The following MPP3 variants were observed in gnomAD, a reference collection of about 807,000 sequenced individuals.
MPP3 encodes the protein MAGUK p55 subfamily member 3.
A neutral mutation model predicts 80.7 loss-of-function variants in MPP3; 48 were observed. The observed-to-expected ratio is 0.59, with a 90% CI of 0.47 to 0.76. The LOEUF is 0.76. Ranked by LOEUF, MPP3 falls within the 30% of genes least tolerant of loss-of-function variation. MPP3 has a pLI of 0.00. For synonymous variants in MPP3, 311 were observed against 297.6 expected (o/e 1.04, Z -0.46); for missense variants, 620 against 763.0 (o/e 0.81, Z 2.21).
intron 6 of MPP3, 63 bp downstream of exon 6, chr17:43,829,964 C>T: frequency 6.4e-7 from 1 of 1,569,358 alleles, no homozygotes; most frequent in East Asian, 2.2e-5. Flanking sequence ...ATTAGGAGAG[C>T]TCCCTCCGCC....
intron 3 of MPP3, 86 bp downstream of exon 3, chr17:43,831,796 A>G (rs2045976566): frequency 6.8e-7 from 1 of 1,464,924 alleles, no homozygotes; most frequent in African/African-American, 1.4e-5. Flanking sequence ...TTCTCTCCCC[A>G]GGCTCTCACT....
rs2044417372 is a variant in MPP3 at position 43,801,780 on chromosome 17, C to T, written c.1679G>A (p.Gly560Asp). Residue 560 changes from glycine to aspartate, a missense_variant, in exon 20 of 20, where the codon GGT (glycine) becomes GAT (aspartate). By Grantham distance (94) the Gly-to-Asp change is moderately conservative. Coordinates refer to ENST00000398389, the MANE Select transcript of MPP3 (RefSeq NM_001932.6). ...GACCACTTTGAGCTGGCTGTAGGCA[C>T]CCTGGAGATCCTCCTTCACCAGCAC... ...DAVLVKEDLQ[G>D]AYSQLKVVLE... 2 of 1,614,136 alleles carry T rather than the reference C, an allele frequency of 1.2e-6. No individual in the cohort carries two copies. Among genetic ancestry groups the T allele is most frequent in the Middle Eastern group, 1.6e-4 (1 of 6,062 alleles).
chr17:43,831,870 G>A lies in MPP3; in HGVS notation c.25+12C>T. On this transcript the variant is annotated intron_variant, in intron 3 of 19. Coordinates refer to ENST00000398389, the MANE Select transcript of MPP3 (RefSeq NM_001932.6). ...AGGACTGTGGCAGGTCCAGCCGGGG[G>A]GAGGTACTTACCAGAGTCCTCCGAT... 1.2e-6 allele frequency: 2 copies of A among 1,603,232 alleles called. No homozygotes were observed. Among genetic ancestry groups the A allele is most frequent in the Admixed American group, 1.7e-5 (1 of 57,368 alleles).
At chr17:43,829,999 T>C in intron 6 of MPP3, 28 bp downstream of exon 6, 1 of 1,605,014 alleles carries the variant, frequency 6.2e-7, no homozygotes, top group Non-Finnish European at 8.5e-7. Flanking sequence ...CCCAGAGGCA[T>C]GGCTGGGCAG....
In MPP3 at chr17:43,804,137, C is replaced by T. The variant is rs2044520277; in HGVS notation, c.1582-2260G>A. On this transcript the variant is annotated intron_variant, in intron 19 of 19. Transcript: ENST00000398389. Reference sequence around the variant, plus strand: ...ACTTCTTGACTCTTTGAAAAATGAGCCATTTCCCCCTGCTTATTCAATCCT... The same window carrying T: ...ACTTCTTGACTCTTTGAAAAATGAGTCATTTCCCCCTGCTTATTCAATCCT... 2.0e-5 allele frequency among the ~76,000 whole-genome samples: 3 copies of T among 152,224 alleles called. 1 individual carries two copies. The South Asian group carries it at 6.2e-4, about 32-fold the overall frequency.
Position 43,820,945 on chromosome 17 carries a change from G to A in MPP3, c.798C>T (p.Asp266=), listed in dbSNP as rs377033537. ...GCTTGGCCTGCCACCACGTGGGGTCGTCCTGGCTCACCACCTCCAGGACCT... is the reference window on the plus strand; with the variant it reads ...GCTTGGCCTGCCACCACGTGGGGTCATCCTGGCTCACCACCTCCAGGACCT... ...RRQVLEVVSQ[D]DPTWWQAKRV... is the part of the protein sequence containing the mutation. The change falls in exon 11 of 20, where the codon GAC becomes GAT. Residue 266 remains aspartate (D), a synonymous_variant. Coordinates refer to ENST00000398389, the MANE Select transcript of MPP3 (RefSeq NM_001932.6). 5 of 1,613,928 alleles carry A rather than the reference G, an allele frequency of 3.1e-6. No individual in the cohort carries two copies. The South Asian group carries it at 3.3e-5, about 11-fold the overall frequency.
rs1009469171 is a variant in MPP3 at position 43,831,865 on chromosome 17, C to A, written c.25+17G>T. The A allele has an allele frequency of 1.3e-6, 2 of 1,598,620 alleles. No individual in the cohort carries two copies. Among genetic ancestry groups the A allele is most frequent in the African/African-American group, 1.3e-5 (1 of 74,106 alleles). ...TCTTCAGGACTGTGGCAGGTCCAGC[C>A]GGGGGGAGGTACTTACCAGAGTCCT... On this transcript the variant is annotated intron_variant, in intron 3 of 19. Coordinates refer to ENST00000398389, the MANE Select transcript of MPP3 (RefSeq NM_001932.6).
At chr17:43,822,248 C>T (rs1246328611) in intron 10 of MPP3, among the ~76,000 whole-genome samples, 1 of 152,182 alleles carries the variant, frequency 6.6e-6, no homozygotes, top group East Asian at 1.9e-4. Flanking sequence ...TCTTCACTTG[C>T]TGTAAAAAAC....
Position 43,811,283 on chromosome 17 carries a change from C to A in MPP3, c.1256-78G>T. 2.7e-6 allele frequency: 3 copies of A among 1,105,590 alleles called. No homozygotes were observed. In the South Asian group the frequency reaches 3.8e-5, roughly 14 times the overall value. The allele number at this position is 1,105,590 out of a possible 1,614,324, so 68.5% of individuals were successfully genotyped here. A position where few individuals can be genotyped will look rare whatever the true frequency, so the allele number is the denominator to read the frequency against. ...AGGGACAGCAGCAGGCTTAGGCACT[C>A]ATTTGGGAGTTCACTGCTGCTGTGT... On this transcript the variant is annotated intron_variant, in intron 16 of 19. Coordinates refer to ENST00000398389, the MANE Select transcript of MPP3 (RefSeq NM_001932.6).
At chr17:43,818,202 T>A in intron 11 of MPP3, 92 bp from the exon 12 acceptor site, 1 of 1,187,990 alleles carries the variant, frequency 8.4e-7, no homozygotes, top group South Asian at 1.8e-5. Flanking sequence ...AGCCAAGGCC[T>A]GGATCCCACA....
At chr17:43,830,185 AGG>A in intron 5 of MPP3, 78 bp from the exon 6 acceptor site, 1 of 1,094,244 alleles carries the variant, frequency 9.1e-7, no homozygotes, top group Non-Finnish European at 1.3e-6. Context: ...CCTCTTTGGA[AGG>A]GCCCACCCAG....
In MPP3 at chr17:43,829,712, T is replaced by G. The variant is rs766342365; in HGVS notation, c.383A>C (p.Glu128Ala). 6.2e-7 allele frequency: 1 copy of G among 1,614,102 alleles called. No individual in the cohort carries two copies. Among genetic ancestry groups the G allele is most frequent in the Non-Finnish European group, 8.5e-7 (1 of 1,180,008 alleles). The change falls in exon 7 of 20, where the codon GAG (glutamate) becomes GCG (alanine). Residue 128 changes from glutamate (E) to alanine (A), a missense_variant. By Grantham distance (107) the Glu-to-Ala change is moderately radical. Transcript: ENST00000398389. ...VLPPLPDNIDEDFDEESVKIV... is the reference protein window; with the variant it reads ...VLPPLPDNIDADFDEESVKIV... The stretch of plus-strand genomic sequence containing the variant: ...CTTCACCGATTCCTCATCAAAATCC[T>G]CATCGATATTGTCAGGCAGAGGCGG...
Position 43,815,827 on chromosome 17 carries a change from A to C in MPP3, c.1009+211T>G, listed in dbSNP as rs1372101070. On this transcript the variant is annotated intron_variant, in intron 14 of 19. Coordinates refer to ENST00000398389, the MANE Select transcript of MPP3 (RefSeq NM_001932.6). ...CTTTCCCGCCAGGGCAGTGTGCCCC[A>C]CAGCTGGGTAAAAGCTGGGTGGGGG... 6.0e-6 allele frequency: 4 copies of C among 667,490 alleles called. No homozygotes were observed. The Admixed American group carries it at 7.1e-5, about 12-fold the overall frequency. 41.3% of individuals were successfully genotyped at this position (667,490 alleles called of 1,614,324 possible). A position where few individuals can be genotyped will look rare whatever the true frequency, so the allele number is the denominator to read the frequency against.
At chr17:43,816,525 A>G (rs2045141937) in intron 13 of MPP3, 152 bp downstream of exon 13, 2 of 768,846 alleles carry the variant, frequency 2.6e-6, no homozygotes, top group Admixed American at 4.4e-5. Context: ...CTCAAGGAAC[A>G]GCCCAGTCCA....
intron 19 of MPP3, among the ~76,000 whole-genome samples, chr17:43,806,354 C>T (rs779530794): frequency 2.6e-5 from 4 of 151,462 alleles, no homozygotes; most frequent in African/African-American, 7.3e-5. Context: ...TTAGTAGAGA[C>T]GGGGTTTCAC....
chr17:43,809,341 T>C (rs2044748784), intron 18 of MPP3, among the ~76,000 whole-genome samples: 1 of 152,188 alleles, frequency 6.6e-6, no homozygotes, highest in Admixed American at 6.5e-5. Flanking sequence ...TCAGAGACAG[T>C]TGCTGTCTCT....
At chr17:43,829,936 T>A (rs1356294438) in intron 6 of MPP3, 91 bp downstream of exon 6, 1 of 1,537,406 alleles carries the variant, frequency 6.5e-7, no homozygotes, top group South Asian at 1.1e-5. Context: ...GCTCCCTCAG[T>A]CTCCACTCCT....
chr17:43,822,293 T>C (rs2045496637), intron 10 of MPP3, among the ~76,000 whole-genome samples: 1 of 152,220 alleles, frequency 6.6e-6, no homozygotes, highest in South Asian at 2.1e-4. Flanking sequence ...CAAATCCACA[T>C]TCTTCAAAGT....
chr17:43,831,883 A>G lies in MPP3; in HGVS notation c.24T>C (p.Ser8=). Residue 8 remains serine (S), a splice_region_variant and synonymous_variant, in exon 3 of 20, where the codon TCT becomes TCC. Transcript: ENST00000398389. The stretch of plus-strand genomic sequence containing the variant: ...GTCCAGCCGGGGGGAGGTACTTACC[A>G]GAGTCCTCCGATAGCACTGGCATGC... MPVLSED[S]GLHETLALLT... is the part of the protein sequence containing the mutation. 2 of 1,609,536 alleles carry G rather than the reference A, an allele frequency of 1.2e-6. No homozygotes were observed. The highest frequency in any genetic ancestry group is 1.7e-6 in the Non-Finnish European group (2 of 1,178,466).
Sources: allele counts gnomAD v4.1 joint callset (sites outside exome capture counted in the v4.1 genomes callset), GRCh38; gene constraint gnomAD v4.1.1; transcripts MANE v1.5; gene names NCBI Gene and HGNC (gene_info 2026-07-23, HGNC 2026-07-21).